Variants in BICDL1 observed in about 807,000 individuals in gnomAD.
BICDL1 encodes BICD family-like cargo adapter 1.
In BICDL1, 20 loss-of-function variants were observed where a neutral mutation model predicts 76.8. That is an observed-to-expected ratio of 0.26 (90% CI 0.18 to 0.38). The LOEUF is 0.38. Among genes scored for constraint, BICDL1 ranks in the 10% least tolerant of loss-of-function variants. BICDL1 has a pLI of 1.00. For missense variants in BICDL1, 700 were observed against 798.6 expected (o/e 0.88, Z 1.49); for synonymous variants, 383 against 337.1 (o/e 1.14, Z -1.49).
At chr12:120,046,963 A>G (rs971549659) in intron 2 of BICDL1, among the ~76,000 whole-genome samples, 5 of 152,210 alleles carry the variant, frequency 3.3e-5, no homozygotes, top group Non-Finnish European at 5.9e-5. Flanking sequence ...CAAAAGCAGT[A>G]TTAACATTTG....
intron 5 of BICDL1, 31 bp from the exon 6 acceptor site, chr12:120,072,480 C>A (rs752158758): frequency 1.2e-6 from 2 of 1,606,628 alleles, no homozygotes; most frequent in South Asian, 2.2e-5. Flanking sequence ...TCTCTAGAGT[C>A]TGAAATGAAT....
At chr12:119,996,357 C>T (rs1259337060) in intron 1 of BICDL1, among the ~76,000 whole-genome samples, 1 of 152,122 alleles carries the variant, frequency 6.6e-6, no homozygotes, top group Non-Finnish European at 1.5e-5. Context: ...AGTCACTCAA[C>T]AAAGTAAGGA....
At chr12:120,054,074 C>T (rs1952921559) in intron 2 of BICDL1, among the ~76,000 whole-genome samples, 2 of 140,482 alleles carry the variant, frequency 1.4e-5, no homozygotes, top group Non-Finnish European at 3.1e-5. Context: ...AAAATTGTAA[C>T]TTTTTTTTTT....
intron 2 of BICDL1, among the ~76,000 whole-genome samples, chr12:120,002,099 C>T (rs1951770796): frequency 6.6e-6 from 1 of 152,104 alleles, no homozygotes; most frequent in South Asian, 2.1e-4. Context: ...GTGCCACTAT[C>T]ACCATTATCT....
intron 2 of BICDL1, among the ~76,000 whole-genome samples, chr12:120,011,502 C>G (rs1951952589): frequency 6.6e-6 from 1 of 152,104 alleles, no homozygotes. Flanking sequence ...TTTTTTGGTA[C>G]ACATTCACCA....
intron 2 of BICDL1, 47 bp from the exon 3 acceptor site, chr12:120,061,663 C>A: frequency 7.8e-7 from 1 of 1,288,626 alleles, no homozygotes; most frequent in Non-Finnish European, 1.1e-6. Context: ...TAACAGAGTT[C>A]CTTTGCATAA....
intron 2 of BICDL1, among the ~76,000 whole-genome samples, chr12:120,058,590 CTTTTTTTTTTT>C (rs1039285394): frequency 7.3e-6 from 1 of 136,148 alleles, no homozygotes; most frequent in East Asian, 2.1e-4. Context: ...AAATTTTTTT[CTTTTTTTTTTT>C]TTTTTTTGAG....
At chr12:120,020,549 ACT>A (rs1452170869) in intron 2 of BICDL1, among the ~76,000 whole-genome samples, 4 of 152,092 alleles carry the variant, frequency 2.6e-5, no homozygotes, top group Non-Finnish European at 5.9e-5. Context: ...TAACCAAATA[ACT>A]CTAGGTGATG....
chr12:120,017,263 T>A (rs1045239911), intron 2 of BICDL1, among the ~76,000 whole-genome samples: 7 of 152,224 alleles, frequency 4.6e-5, no homozygotes, highest in African/African-American at 1.7e-4. Flanking sequence ...TTAAAAGGAT[T>A]TATATTCTAG....
chr12:120,015,500 A>G (rs1952042801), intron 2 of BICDL1, among the ~76,000 whole-genome samples: 1 of 152,032 alleles, frequency 6.6e-6, no homozygotes, highest in African/African-American at 2.4e-5. Context: ...CTACTTACCA[A>G]CTAGAGTGCT....
chr12:120,069,870 T>C (rs75357376), intron 4 of BICDL1, among the ~76,000 whole-genome samples: 1,922 of 152,332 alleles, frequency 0.013, 39 homozygotes, highest in East Asian at 0.043. Context: ...CCAACGTTTT[T>C]CTACCTCAGT....
intron 2 of BICDL1, among the ~76,000 whole-genome samples, chr12:120,022,077 T>C (rs1161618772): frequency 6.6e-6 from 1 of 151,380 alleles, no homozygotes; most frequent in Non-Finnish European, 1.5e-5. Flanking sequence ...AGGTAGTATG[T>C]GGCTCACAAG....
intron 2 of BICDL1, among the ~76,000 whole-genome samples, chr12:120,029,293 A>G (rs980112650): frequency 2.6e-5 from 4 of 152,216 alleles, no homozygotes; most frequent in African/African-American, 9.7e-5. Flanking sequence ...AATTTTACCT[A>G]AAGGTTAGCA....
At chr12:120,047,974 G>T (rs1188347584) in intron 2 of BICDL1, among the ~76,000 whole-genome samples, 1 of 151,970 alleles carries the variant, frequency 6.6e-6, no homozygotes, top group African/African-American at 2.4e-5. Context: ...AAAATGGAAG[G>T]TCTTTTAAAA....
intron 2 of BICDL1, among the ~76,000 whole-genome samples, chr12:120,023,651 G>T (rs12314638): frequency 6.6e-6 from 1 of 152,036 alleles, no homozygotes; most frequent in East Asian, 1.9e-4. Flanking sequence ...TTAGCTGAGC[G>T]TGCTGGCAGG....
At chr12:120,026,629 A>T (rs1001029892) in intron 2 of BICDL1, among the ~76,000 whole-genome samples, 5 of 152,238 alleles carry the variant, frequency 3.3e-5, no homozygotes, top group Non-Finnish European at 5.9e-5. Flanking sequence ...GATGGAGGCA[A>T]AGGGCTGCTT....
chr12:120,005,732 AT>A (rs917502249), intron 2 of BICDL1, among the ~76,000 whole-genome samples: 4 of 152,170 alleles, frequency 2.6e-5, no homozygotes, highest in East Asian at 3.9e-4. Context: ...ATATCTTGGA[AT>A]TTTTTTTAAA....
intron 2 of BICDL1, among the ~76,000 whole-genome samples, chr12:120,040,114 T>C (rs1474303966): frequency 6.6e-6 from 1 of 152,184 alleles, no homozygotes; most frequent in Non-Finnish European, 1.5e-5. Context: ...CTTTTTTTTG[T>C]TCTTCTGAGA....
chr12:120,093,871 A>G lies in BICDL1; in HGVS notation c.*710A>G, dbSNP rs1357743520. On this transcript the variant is annotated 3_prime_UTR_variant, in exon 10 of 10. Coordinates refer to ENST00000548673, the MANE Select transcript of BICDL1 (RefSeq NM_001367886.1). ...GCCCCTTAGCAGGGCCTGGCCAGGC[A>G]GAGTGTTATCACCAGTCATCTGCAG... 1 of 221,590 alleles carries G rather than the reference A, an allele frequency of 4.5e-6. No homozygotes were observed. The highest frequency in any genetic ancestry group is 9.3e-6 in the Non-Finnish European group (1 of 107,704). The allele number at this position is 221,590 out of a possible 1,614,324, so 13.7% of individuals were successfully genotyped here. A position where few individuals can be genotyped will look rare whatever the true frequency, so the allele number is the denominator to read the frequency against.
Sources: allele counts gnomAD v4.1 joint callset (sites outside exome capture counted in the v4.1 genomes callset), GRCh38; gene constraint gnomAD v4.1.1; transcripts MANE v1.5; gene names NCBI Gene and HGNC (gene_info 2026-07-23, HGNC 2026-07-21).